Variants in CSMD1 observed in about 807,000 individuals in gnomAD.
CSMD1 encodes the protein CUB and sushi domain-containing protein 1.
Under a neutral mutation model 417.5 loss-of-function variants are expected in CSMD1, and 213 were observed. The ratio of observed to expected loss-of-function variants is 0.51; its 90% CI spans 0.46 to 0.57. The LOEUF (loss-of-function observed/expected upper bound fraction) is 0.57. Ranked by LOEUF, CSMD1 falls within the 20% of genes least tolerant of loss-of-function variation. The pLI, the probability that CSMD1 is intolerant of heterozygous loss-of-function variation, is 0.00. For missense variants in CSMD1, 6,923 were observed against 4,529.7 expected, an observed-to-expected ratio of 1.53 and a Z score of -15.17; for synonymous variants, 2,862 against 1,736.8, an observed-to-expected ratio of 1.65 and a Z score of -16.11.
chr8:3,562,533 C>A (rs1190544828), intron 10 of CSMD1, among the ~76,000 whole-genome samples: 1 of 152,080 alleles, frequency 6.6e-6, no homozygotes, highest in Non-Finnish European at 1.5e-5. Flanking sequence ...TTTTAGCCTG[C>A]TTGGCAAAAT....
At chr8:4,082,201 T>C (rs547576146) in intron 3 of CSMD1, among the ~76,000 whole-genome samples, 1 of 152,224 alleles carries the variant, frequency 6.6e-6, no homozygotes, top group South Asian at 2.1e-4. Flanking sequence ...TGAATAAATT[T>C]TTCCCCAAAA....
intron 1 of CSMD1, among the ~76,000 whole-genome samples, chr8:4,778,976 G>T (rs1381610546): frequency 6.6e-6 from 1 of 152,186 alleles, no homozygotes; most frequent in Admixed American, 6.5e-5. Context: ...TGTTTAGAAA[G>T]AATTGATAGG....
chr8:4,740,094 G>C (rs1198017618), intron 1 of CSMD1, among the ~76,000 whole-genome samples: 3 of 152,010 alleles, frequency 2.0e-5, no homozygotes, highest in African/African-American at 7.2e-5. Context: ...ATGGCTCTCT[G>C]TCTCTACTGC....
intron 1 of CSMD1, among the ~76,000 whole-genome samples, chr8:4,669,935 A>G (rs1258802563): frequency 6.6e-6 from 1 of 152,154 alleles, no homozygotes; most frequent in Non-Finnish European, 1.5e-5. Flanking sequence ...TATTTTTGAA[A>G]GTCATGAGTT....
intron 2 of CSMD1, among the ~76,000 whole-genome samples, chr8:4,465,176 G>A (rs1023166998): frequency 1.3e-5 from 2 of 152,080 alleles, no homozygotes; most frequent in African/African-American, 4.8e-5. Context: ...GTCACCAGAG[G>A]GAATAGGAAG....
At chr8:3,757,262 T>C (rs1309717958) in intron 5 of CSMD1, among the ~76,000 whole-genome samples, 1 of 152,174 alleles carries the variant, frequency 6.6e-6, no homozygotes, top group African/African-American at 2.4e-5. Context: ...GATATTTCTG[T>C]AAAGGGCCAG....
At chr8:3,298,216 G>A (rs556196053) in intron 25 of CSMD1, among the ~76,000 whole-genome samples, 2 of 152,122 alleles carry the variant, frequency 1.3e-5, no homozygotes, top group Non-Finnish European at 2.9e-5. Flanking sequence ...CCATTACCCA[G>A]CAATTCCTGG....
At chr8:4,197,769 C>T (rs748593783) in intron 3 of CSMD1, among the ~76,000 whole-genome samples, 7 of 152,118 alleles carry the variant, frequency 4.6e-5, no homozygotes, top group Non-Finnish European at 7.3e-5. Context: ...ATCCCAGCTA[C>T]TTGGGAGGCT....
chr8:4,437,331 T>C (rs983029997), intron 2 of CSMD1, among the ~76,000 whole-genome samples: 2 of 152,228 alleles, frequency 1.3e-5, no homozygotes, highest in Middle Eastern at 3.4e-3. Flanking sequence ...AAGCTTGTTT[T>C]AAAAAGAAAA....
Position 3,633,987 on chromosome 8 carries a change from C to G in CSMD1, c.1010-17190G>C, listed in dbSNP as rs9792169. Among the ~76,000 whole-genome samples the G allele has an allele frequency of 1.5e-4, 22 of 151,684 alleles. No homozygotes were observed. The East Asian group carries it at 3.7e-3, about 26-fold the overall frequency. On this transcript the variant is annotated intron_variant, in intron 7 of 69. Coordinates refer to ENST00000635120, the MANE Select transcript of CSMD1 (RefSeq NM_033225.6). ...GAAACATGAAGATGAATATGCATGA[C>G]CCTTATATAAAATGTCTGTAAATGT...
chr8:3,696,539 T>A (rs955320864), intron 7 of CSMD1, among the ~76,000 whole-genome samples: 1 of 152,246 alleles, frequency 6.6e-6, no homozygotes, highest in East Asian at 1.9e-4. Flanking sequence ...TCATTTGGTG[T>A]AATTAAATGA....
At position 3,142,591 on chromosome 8, in the gene CSMD1, G is replaced by C. The variant is rs1184156839; in HGVS notation, c.6115C>G (p.Pro2039Ala). Residue 2039 changes from proline (P) to alanine (A), a missense_variant, in exon 41 of 70, where the codon CCC (proline) becomes GCC (alanine). Physicochemically the swap from Pro to Ala is conservative, Grantham distance 27. Transcript: ENST00000635120. ...EIQNGPYHTS[P>A]MIGQFSGTDL... The stretch of plus-strand genomic sequence containing the variant: ...GTGCCGCTAAATTGTCCAATCATGG[G>C]GCTGGTGTGGTAAGGTCCATTTTGA... 5.0e-6 allele frequency: 8 copies of C among 1,613,954 alleles called. No individual in the cohort carries two copies. The highest frequency in any genetic ancestry group is 6.8e-6 in the Non-Finnish European group (8 of 1,179,854).
At chr8:4,738,820 A>G (rs1349006883) in intron 1 of CSMD1, among the ~76,000 whole-genome samples, 1 of 152,146 alleles carries the variant, frequency 6.6e-6, no homozygotes, top group African/African-American at 2.4e-5. Flanking sequence ...GAGTTCAACT[A>G]CAGATGGAGA....
intron 37 of CSMD1, among the ~76,000 whole-genome samples, chr8:3,180,371 G>A (rs1480399062): frequency 2.0e-5 from 3 of 152,082 alleles, no homozygotes; most frequent in East Asian, 1.9e-4. Flanking sequence ...CTCTCTACTC[G>A]TTCTTATTTT....
chr8:4,483,363 A>G (rs1466653737), intron 2 of CSMD1, among the ~76,000 whole-genome samples: 1 of 152,242 alleles, frequency 6.6e-6, no homozygotes, highest in Non-Finnish European at 1.5e-5. Context: ...ACCAGTAGAT[A>G]AATTATTTTG....
intron 3 of CSMD1, among the ~76,000 whole-genome samples, chr8:4,263,948 A>G (rs1286542046): frequency 6.6e-6 from 1 of 152,206 alleles, no homozygotes; most frequent in Non-Finnish European, 1.5e-5. Context: ...TATATAATGC[A>G]ATTTGTCATA....
intron 1 of CSMD1, among the ~76,000 whole-genome samples, chr8:4,934,070 T>C (rs916479005): frequency 1.3e-5 from 2 of 152,058 alleles, no homozygotes. Flanking sequence ...AAAGAAGGTC[T>C]CCATGAACTG....
intron 7 of CSMD1, among the ~76,000 whole-genome samples, chr8:3,637,201 T>C (rs1308836850): frequency 6.6e-6 from 1 of 152,226 alleles, no homozygotes; most frequent in African/African-American, 2.4e-5. Context: ...TTTTAAGCTG[T>C]GTGACATATT....
At chr8:4,898,170 G>A (rs762079607) in intron 1 of CSMD1, among the ~76,000 whole-genome samples, 1 of 152,058 alleles carries the variant, frequency 6.6e-6, no homozygotes, top group Admixed American at 6.6e-5. Flanking sequence ...ATTTGAGGGA[G>A]GAATGCCCAG....
Sources: allele counts gnomAD v4.1 joint callset (sites outside exome capture counted in the v4.1 genomes callset), GRCh38; gene constraint gnomAD v4.1.1; transcripts MANE v1.5; gene names NCBI Gene and HGNC (gene_info 2026-07-23, HGNC 2026-07-21).